DPP6: variants seen among roughly 807,000 people sequenced by gnomAD.
The protein encoded by DPP6 is A-type potassium channel modulatory protein DPP6.
A neutral mutation model predicts 122.6 loss-of-function variants in DPP6; 69 were observed. The ratio of observed to expected loss-of-function variants is 0.56; its 90% CI spans 0.46 to 0.69. DPP6 has a LOEUF of 0.69. Ranked by LOEUF, DPP6 falls within the 30% of genes least tolerant of loss-of-function variation. The pLI, the probability that DPP6 is intolerant of heterozygous loss-of-function variation, is 0.00. For synonymous variants in DPP6, 418 were observed against 433.1 expected (o/e 0.97, Z 0.43); for missense variants, 928 against 1,116.9 (o/e 0.83, Z 2.41).
At chr7:154,047,004 T>C (rs1800048206) in intron 1 of DPP6, among the ~76,000 whole-genome samples, 1 of 151,122 alleles carries the variant, frequency 6.6e-6, no homozygotes, top group Non-Finnish European at 1.5e-5. Flanking sequence ...CTCTGTTTGT[T>C]TTGCTGTCAG....
rs185086123 is a variant in DPP6 at position 153,891,251 on chromosome 7, T to C, written c.51+3517T>C. Among the ~76,000 whole-genome samples the C allele has an allele frequency of 5.4e-5, 8 of 148,174 alleles. No individual in the cohort carries two copies. The South Asian group carries it at 1.3e-3, about 24-fold the overall frequency. ...GTTAGCCAGGATGGTCTCGATCTCTTGACCTCATGATCCACCCGCCTCGGC... is the reference window on the plus strand; with the variant it reads ...GTTAGCCAGGATGGTCTCGATCTCTCGACCTCATGATCCACCCGCCTCGGC... On this transcript the variant is annotated intron_variant, in intron 1 of 25. Coordinates refer to the DPP6 transcript ENST00000404039.
chr7:154,250,406 T>C (rs932194009), intron 1 of DPP6, among the ~76,000 whole-genome samples: 2 of 151,988 alleles, frequency 1.3e-5, no homozygotes, highest in Admixed American at 6.6e-5. Context: ...TGGGAGGGCG[T>C]GTGGGTGCGT....
chr7:154,143,992 A>G (rs1446307885), intron 1 of DPP6, among the ~76,000 whole-genome samples: 1 of 151,872 alleles, frequency 6.6e-6, no homozygotes, highest in African/African-American at 2.4e-5. Flanking sequence ...ATCTTTTAGA[A>G]AATTTATATC....
At chr7:154,779,888 T>C (rs551929396) in intron 10 of DPP6, among the ~76,000 whole-genome samples, 13 of 152,336 alleles carry the variant, frequency 8.5e-5, no homozygotes, top group Non-Finnish European at 1.3e-4. Flanking sequence ...TGGGAAGATA[T>C]ATTATTTTAT....
At chr7:154,887,777 C>T (rs780369744) in intron 23 of DPP6, 43 bp downstream of exon 23, 2 of 1,609,094 alleles carry the variant, frequency 1.2e-6, no homozygotes, top group Admixed American at 3.3e-5. Context: ...GACCAGTCAG[C>T]CTCTGCCACA....
chr7:153,840,317 A>G, the DPP6 span, among the ~76,000 whole-genome samples: 1 of 152,184 alleles, frequency 6.6e-6, no homozygotes, highest in African/African-American at 2.4e-5. Flanking sequence ...GATTTTTTAT[A>G]TAATTTTAGG....
chr7:154,469,246 C>T (rs1822053180), intron 2 of DPP6, among the ~76,000 whole-genome samples: 1 of 152,178 alleles, frequency 6.6e-6, no homozygotes, highest in Admixed American at 6.5e-5. Context: ...TGTACATTTT[C>T]TTGTAGCTCC....
At chr7:154,101,954 A>C (rs946960916) in intron 1 of DPP6, among the ~76,000 whole-genome samples, 1 of 151,226 alleles carries the variant, frequency 6.6e-6, no homozygotes, top group East Asian at 1.9e-4. Flanking sequence ...AAAAAAAAAA[A>C]AAAAAGAATG....
intron 1 of DPP6, among the ~76,000 whole-genome samples, chr7:153,983,814 C>A (rs934056691): frequency 2.0e-5 from 3 of 152,076 alleles, no homozygotes; most frequent in Non-Finnish European, 4.4e-5. Flanking sequence ...TCCGTGACCC[C>A]TTGTGCTTCC....
chr7:154,266,744 G>C (rs1164567763), intron 1 of DPP6, among the ~76,000 whole-genome samples: 1 of 152,154 alleles, frequency 6.6e-6, no homozygotes, highest in African/African-American at 2.4e-5. Flanking sequence ...GATTCCACCA[G>C]AGGTTCTCAA....
intron 4 of DPP6, among the ~76,000 whole-genome samples, chr7:154,545,497 A>ATCCT (rs34668667): frequency 0.3 from 36,525 of 121,516 alleles, 5,313 homozygotes; most frequent in Middle Eastern, 0.44. Context: ...CCTTCCTTCC[A>ATCCT]TCCTTCCTTC....
chr7:154,246,834 A>G (rs1426987815), intron 1 of DPP6, among the ~76,000 whole-genome samples: 1 of 152,226 alleles, frequency 6.6e-6, no homozygotes, highest in Non-Finnish European at 1.5e-5. Context: ...TTTTAGATGG[A>G]TCATATATCT....
chr7:154,060,641 G>T (rs1344075926), intron 1 of DPP6, among the ~76,000 whole-genome samples: 1 of 144,272 alleles, frequency 6.9e-6, no homozygotes, highest in Non-Finnish European at 1.5e-5. Flanking sequence ...CGCAGGAGGG[G>T]GAGGCACCCC....
intron 1 of DPP6, among the ~76,000 whole-genome samples, chr7:154,350,963 A>G (rs897306153): frequency 3.9e-5 from 6 of 152,166 alleles, no homozygotes; most frequent in African/African-American, 1.4e-4. Flanking sequence ...CTCGGAGGGC[A>G]TTTTCAGATG....
chr7:154,756,636 C>T (rs1008946559), intron 8 of DPP6, among the ~76,000 whole-genome samples: 2 of 152,108 alleles, frequency 1.3e-5, no homozygotes, highest in Non-Finnish European at 2.9e-5. Context: ...ACCCATCCCA[C>T]CTCCTTAAGG....
chr7:154,188,223 C>T (rs571709577), intron 1 of DPP6, among the ~76,000 whole-genome samples: 49 of 152,126 alleles, frequency 3.2e-4, no homozygotes, highest in Middle Eastern at 3.4e-3. Context: ...ACAAGGCATT[C>T]GGGAACCACT....
intron 1 of DPP6, among the ~76,000 whole-genome samples, chr7:153,898,079 CAGAT>C (rs1374682437): frequency 5.3e-5 from 8 of 152,268 alleles, no homozygotes; most frequent in African/African-American, 1.4e-4. Context: ...TACAAACAGA[CAGAT>C]AGAAGGAATA....
At chr7:154,741,777 T>C (rs571122262) in intron 8 of DPP6, among the ~76,000 whole-genome samples, 1 of 152,312 alleles carries the variant, frequency 6.6e-6, no homozygotes, top group South Asian at 2.1e-4. Flanking sequence ...TATCCACTTC[T>C]TTTATGGGTC....
At chr7:154,473,179 G>T (rs1182654612) in intron 2 of DPP6, among the ~76,000 whole-genome samples, 2 of 152,286 alleles carry the variant, frequency 1.3e-5, no homozygotes, top group East Asian at 1.9e-4. Context: ...CTTCTTAATT[G>T]CAAGATCAGA....
Sources: allele counts gnomAD v4.1 joint callset (sites outside exome capture counted in the v4.1 genomes callset), GRCh38; gene constraint gnomAD v4.1.1; transcripts MANE v1.5; gene names NCBI Gene and HGNC (gene_info 2026-07-23, HGNC 2026-07-21).